The following RUNX1 variants were observed in gnomAD, a reference collection of about 807,000 sequenced individuals.
RUNX1 encodes RUNX family transcription factor 1, also known as runt-related transcription factor 1.
RUNX1 carries 19 observed loss-of-function variants against 42.8 expected under a neutral mutation model. The observed-to-expected ratio is 0.44, with a 90% confidence interval of 0.31 to 0.65. The LOEUF (loss-of-function observed/expected upper bound fraction) is 0.65, where lower values mean the gene tolerates loss of function less well. Among genes scored for constraint, RUNX1 ranks in the 30% least tolerant of loss-of-function variants. The pLI, the probability that RUNX1 is intolerant of heterozygous loss-of-function variation, is 0.07. For synonymous variants in RUNX1, 271 were observed against 289.4 expected, an observed-to-expected ratio of 0.94 and a Z score of 0.64; for missense variants, 528 against 672.0, an observed-to-expected ratio of 0.79 and a Z score of 2.37.
intron 4 of RUNX1, among the ~76,000 whole-genome samples, chr21:34,885,049 T>C (rs1190761188): frequency 6.6e-6 from 1 of 152,256 alleles, no homozygotes; most frequent in Admixed American, 6.5e-5. Flanking sequence ...ATGTAATGGC[T>C]TGAGACTCTG....
At chr21:35,000,801 G>C (rs1232736172) in intron 2 of RUNX1, among the ~76,000 whole-genome samples, 1 of 152,158 alleles carries the variant, frequency 6.6e-6, no homozygotes, top group Non-Finnish European at 1.5e-5. Flanking sequence ...TTCTGTTCCA[G>C]GGAAAATGGG....
intron 2 of RUNX1, among the ~76,000 whole-genome samples, chr21:34,909,852 TCTC>T (rs1209940190): frequency 1.3e-5 from 2 of 151,808 alleles, no homozygotes; most frequent in Non-Finnish European, 2.9e-5. Context: ...ATCTCCATTG[TCTC>T]CTCCTCCTCC....
At chr21:34,852,258 AATAC>A (rs2057432855) in intron 6 of RUNX1, among the ~76,000 whole-genome samples, 1 of 152,158 alleles carries the variant, frequency 6.6e-6, no homozygotes, top group Non-Finnish European at 1.5e-5. Flanking sequence ...AGTTACCAAG[AATAC>A]ACAGGCCACG....
chr21:34,869,736 C>T (rs1271950118), intron 5 of RUNX1, among the ~76,000 whole-genome samples: 3 of 152,168 alleles, frequency 2.0e-5, no homozygotes, highest in Admixed American at 6.5e-5. Flanking sequence ...GGCGAGCTGC[C>T]GTGGCACTGC....
intron 2 of RUNX1, chr21:35,038,349 A>G: frequency 3.0e-6 from 1 of 334,200 alleles, no homozygotes; most frequent in Non-Finnish European, 5.9e-6. Context: ...CCTGGTGATA[A>G]AGAAAACACG....
At chr21:34,928,781 C>G (rs1177052784) in intron 2 of RUNX1, among the ~76,000 whole-genome samples, 1 of 151,892 alleles carries the variant, frequency 6.6e-6, no homozygotes, top group Admixed American at 6.6e-5. Context: ...CAACTCAAAA[C>G]AGTAGTGTTT....
chr21:34,840,145 A>G (rs1307611330), intron 6 of RUNX1, among the ~76,000 whole-genome samples: 3 of 152,188 alleles, frequency 2.0e-5, no homozygotes, highest in Admixed American at 2.0e-4. Flanking sequence ...CAGATTCTCA[A>G]GTAGGAAGTA....
At chr21:34,840,657 T>C (rs1011772288) in intron 6 of RUNX1, among the ~76,000 whole-genome samples, 2 of 152,128 alleles carry the variant, frequency 1.3e-5, no homozygotes, top group African/African-American at 4.8e-5. Flanking sequence ...AGCTGTCAGG[T>C]TGGTCTCAGA....
intron 6 of RUNX1, among the ~76,000 whole-genome samples, chr21:34,845,501 G>A (rs1037656815): frequency 1.3e-5 from 2 of 152,202 alleles, no homozygotes; most frequent in African/African-American, 4.8e-5. Flanking sequence ...GCTCCTCTGT[G>A]TTACGCAGGC....
At chr21:34,982,046 A>G (rs1030203991) in intron 2 of RUNX1, among the ~76,000 whole-genome samples, 3 of 152,346 alleles carry the variant, frequency 2.0e-5, no homozygotes, top group Middle Eastern at 3.4e-3. Context: ...ATTCGTTAGT[A>G]CATGCCAATG....
intron 2 of RUNX1, among the ~76,000 whole-genome samples, chr21:34,976,807 A>G (rs539115410): frequency 6.6e-6 from 1 of 152,308 alleles, no homozygotes; most frequent in South Asian, 2.1e-4. Flanking sequence ...CCTGTAAAAT[A>G]ATCTGCCTTT....
intron 2 of RUNX1, among the ~76,000 whole-genome samples, chr21:34,964,956 G>C (rs1016129226): frequency 6.6e-6 from 1 of 151,880 alleles, no homozygotes; most frequent in Admixed American, 6.6e-5. Flanking sequence ...ACACATGCAT[G>C]TACTCATTCA....
intron 2 of RUNX1, among the ~76,000 whole-genome samples, chr21:34,916,748 C>CTGCG (rs1395098221): frequency 6.6e-6 from 1 of 152,072 alleles, no homozygotes; most frequent in African/African-American, 2.4e-5. Context: ...TTGGATGCAG[C>CTGCG]TGCGGGACAT....
intron 2 of RUNX1, among the ~76,000 whole-genome samples, chr21:34,933,419 C>A (rs1441952041): frequency 6.6e-6 from 1 of 152,160 alleles, no homozygotes; most frequent in Non-Finnish European, 1.5e-5. Flanking sequence ...ATCTAAGTTT[C>A]TAATGTTTTA....
At chr21:34,955,983 G>A (rs897235260) in intron 2 of RUNX1, among the ~76,000 whole-genome samples, 8 of 152,058 alleles carry the variant, frequency 5.3e-5, no homozygotes, top group Non-Finnish European at 1.0e-4. Context: ...TTTTCCTCAT[G>A]CATATGCAAG....
At chr21:34,921,938 T>C (rs2058357379) in intron 2 of RUNX1, among the ~76,000 whole-genome samples, 1 of 152,132 alleles carries the variant, frequency 6.6e-6, no homozygotes, top group Admixed American at 6.5e-5. Flanking sequence ...CAGGCCTACA[T>C]AATTGATTTT....
At chr21:34,800,861 A>T (rs143877533) in intron 7 of RUNX1, among the ~76,000 whole-genome samples, 2 of 152,294 alleles carry the variant, frequency 1.3e-5, no homozygotes, top group East Asian at 3.9e-4. Flanking sequence ...AAATAGTTTA[A>T]CTTGGAATCT....
chr21:34,876,907 A>G (rs2057822239), intron 5 of RUNX1, among the ~76,000 whole-genome samples: 1 of 151,960 alleles, frequency 6.6e-6, no homozygotes, highest in Admixed American at 6.6e-5. Context: ...CCCAGACTGG[A>G]GTGCAGTGGC....
At chr21:34,977,215 A>G (rs1056819934) in intron 2 of RUNX1, among the ~76,000 whole-genome samples, 1 of 152,246 alleles carries the variant, frequency 6.6e-6, no homozygotes, top group Non-Finnish European at 1.5e-5. Flanking sequence ...TTTGAAAAAT[A>G]AGAGTAGTCT....
Sources: gnomAD v4.1 joint callset for allele counts (sites outside exome capture counted in the v4.1 genomes callset) on GRCh38, gnomAD v4.1.1 for gene constraint, MANE v1.5 for transcripts, NCBI Gene and HGNC (gene_info 2026-07-23, HGNC 2026-07-21) for gene names.